Variants in SCD5 observed in about 807,000 individuals in gnomAD.
SCD5 encodes the protein acyl-CoA-desaturase 4.
In SCD5, 20 loss-of-function variants were observed where a neutral mutation model predicts 30.4. The observed-to-expected ratio is 0.66, with a 90% CI of 0.46 to 0.96. The LOEUF is 0.96. Ranked by LOEUF, SCD5 falls within the 40% of genes least tolerant of loss-of-function variation. SCD5 has a pLI of 0.00. For synonymous variants in SCD5, 173 were observed against 176.4 expected (o/e 0.98, Z 0.16); for missense variants, 381 against 443.3 (o/e 0.86, Z 1.26).
chr4:82,763,905 A>G (rs1721430725), intron 1 of SCD5, among the ~76,000 whole-genome samples: 1 of 152,166 alleles, frequency 6.6e-6, no homozygotes, highest in Non-Finnish European at 1.5e-5. Flanking sequence ...TGAAGTTTTT[A>G]TCTCCACATG....
intron 1 of SCD5, among the ~76,000 whole-genome samples, chr4:82,787,727 G>T (rs1722016077): frequency 6.6e-6 from 1 of 152,088 alleles, no homozygotes; most frequent in Non-Finnish European, 1.5e-5. Flanking sequence ...GCCCTCTAAG[G>T]CACTAAGAAA....
At chr4:82,796,867 C>T (rs1338553103) in intron 1 of SCD5, among the ~76,000 whole-genome samples, 1 of 152,130 alleles carries the variant, frequency 6.6e-6, no homozygotes, top group East Asian at 1.9e-4. Flanking sequence ...GAGAATTAAA[C>T]CAACACATAA....
At chr4:82,781,174 G>T (rs1721863188) in intron 1 of SCD5, among the ~76,000 whole-genome samples, 1 of 152,180 alleles carries the variant, frequency 6.6e-6, no homozygotes. Flanking sequence ...TAGCACTTTG[G>T]GAGGCCGAGG....
At chr4:82,686,381 C>A (rs1432382933) in intron 2 of SCD5, among the ~76,000 whole-genome samples, 1 of 152,186 alleles carries the variant, frequency 6.6e-6, no homozygotes, top group Non-Finnish European at 1.5e-5. Flanking sequence ...ATGCTGCCTA[C>A]TGGTGAGAAT....
chr4:82,785,121 C>A (rs1430458803), intron 1 of SCD5, among the ~76,000 whole-genome samples: 1 of 152,156 alleles, frequency 6.6e-6, no homozygotes, highest in Non-Finnish European at 1.5e-5. Context: ...CGCTCACCAC[C>A]CCCCATCCCC....
intron 1 of SCD5, among the ~76,000 whole-genome samples, chr4:82,720,448 A>T (rs1467805279): frequency 7.4e-5 from 11 of 148,246 alleles, no homozygotes; most frequent in South Asian, 2.1e-4. Flanking sequence ...AAATAAAAAA[A>T]AAAAAAAAAA....
At chr4:82,796,981 G>T (rs1722237770) in intron 1 of SCD5, among the ~76,000 whole-genome samples, 1 of 152,146 alleles carries the variant, frequency 6.6e-6, no homozygotes, top group Non-Finnish European at 1.5e-5. Context: ...AGGCTTTAGG[G>T]ATCCCCAAAG....
chr4:82,711,346 G>A (rs1720082223), intron 1 of SCD5, among the ~76,000 whole-genome samples: 1 of 125,546 alleles, frequency 8.0e-6, no homozygotes, highest in Non-Finnish European at 1.7e-5. Context: ...AAACTTGAAG[G>A]GTGTTACTGG....
At chr4:82,767,857 A>T (rs1157555908) in intron 1 of SCD5, among the ~76,000 whole-genome samples, 1 of 152,194 alleles carries the variant, frequency 6.6e-6, no homozygotes, top group Non-Finnish European at 1.5e-5. Flanking sequence ...CAGGCTGACA[A>T]GTTCACATGC....
intron 1 of SCD5, among the ~76,000 whole-genome samples, chr4:82,712,996 A>G (rs188208945): frequency 3.9e-5 from 6 of 152,324 alleles, no homozygotes; most frequent in Admixed American, 6.5e-5. Context: ...TCTTCTTACT[A>G]TTAAAACCTT....
intron 3 of SCD5, among the ~76,000 whole-genome samples, chr4:82,642,060 G>A (rs913119143): frequency 3.3e-5 from 5 of 152,062 alleles, no homozygotes; most frequent in East Asian, 1.9e-4. Context: ...AGATGGGGAC[G>A]GGAGTAGAAG....
At chr4:82,701,632 T>A (rs1719844210) in intron 2 of SCD5, among the ~76,000 whole-genome samples, 1 of 152,252 alleles carries the variant, frequency 6.6e-6, no homozygotes, top group Admixed American at 6.5e-5. Flanking sequence ...ACTAATTAGC[T>A]GTGTGAACTT....
At chr4:82,661,932 G>A (rs187143082) in intron 3 of SCD5, among the ~76,000 whole-genome samples, 189 of 152,320 alleles carry the variant, frequency 1.2e-3, no homozygotes, top group Middle Eastern at 0.01. Context: ...AGGTGGCAGG[G>A]TTCTGGACAG....
At chr4:82,758,178 AC>A (rs1721271151) in intron 1 of SCD5, among the ~76,000 whole-genome samples, 3 of 152,204 alleles carry the variant, frequency 2.0e-5, no homozygotes, top group African/African-American at 7.2e-5. Flanking sequence ...GAACACTACA[AC>A]CAGTGGGGTG....
At chr4:82,679,220 AAAAGAAAG>A (rs796703848) in intron 3 of SCD5, among the ~76,000 whole-genome samples, 2,021 of 32,166 alleles carry the variant, frequency 0.063, 105 homozygotes, top group Non-Finnish European at 0.083. Flanking sequence ...AAAAAGAAAG[AAAAGAAAG>A]AAAGAAAGAA....
chr4:82,743,546 T>C (rs1239693885), intron 1 of SCD5, among the ~76,000 whole-genome samples: 1 of 152,018 alleles, frequency 6.6e-6, no homozygotes, highest in Admixed American at 6.6e-5. Flanking sequence ...TTTTTAATTT[T>C]TTTTAGATAT....
chr4:82,705,062 TC>T (rs1440180492), intron 2 of SCD5, among the ~76,000 whole-genome samples: 1 of 152,206 alleles, frequency 6.6e-6, no homozygotes, highest in African/African-American at 2.4e-5. Context: ...TCCTTTCCCC[TC>T]AGTAGTTCAG....
At chr4:82,720,421 T>G (rs1720342168) in intron 1 of SCD5, among the ~76,000 whole-genome samples, 1 of 42,740 alleles carries the variant, frequency 2.3e-5, no homozygotes, top group African/African-American at 1.5e-4. Flanking sequence ...AGAGAGATGC[T>G]GTCTCAAAAA....
chr4:82,707,474 C>G (rs1306157132), intron 1 of SCD5, among the ~76,000 whole-genome samples: 1 of 152,250 alleles, frequency 6.6e-6, no homozygotes, highest in Non-Finnish European at 1.5e-5. Context: ...TTCTGGCATG[C>G]ATGGCCTTGT....
Sources: gnomAD v4.1 joint callset for allele counts (sites outside exome capture counted in the v4.1 genomes callset) on GRCh38, gnomAD v4.1.1 for gene constraint, MANE v1.5 for transcripts, NCBI Gene and HGNC (gene_info 2026-07-23, HGNC 2026-07-21) for gene names.